ARHGAP36: variants seen among roughly 807,000 people sequenced by gnomAD.
ARHGAP36 encodes Rho GTPase activating protein 36.
ARHGAP36 carries 7 observed loss-of-function variants against 32.9 expected under a neutral mutation model. That is an observed-to-expected ratio of 0.21 (90% CI 0.12 to 0.40). ARHGAP36 has a LOEUF of 0.40. Ranked by LOEUF, ARHGAP36 falls within the 10% of genes least tolerant of loss-of-function variation. ARHGAP36 has a pLI of 1.00. For synonymous variants in ARHGAP36, 165 were observed against 168.3 expected, an observed-to-expected ratio of 0.98 and a Z score of 0.15; for missense variants, 383 against 442.2, an observed-to-expected ratio of 0.87 and a Z score of 1.20.
At chrX:131,060,706 C>T (rs1391315727) in intron 1 of ARHGAP36, among the ~76,000 whole-genome samples, 1 of 112,513 alleles carries the variant, frequency 8.9e-6, no homozygotes, top group Non-Finnish European at 1.9e-5. Flanking sequence ...ACCCCTGCAG[C>T]ACACCACTGC....
intron 1 of ARHGAP36, among the ~76,000 whole-genome samples, chrX:131,075,725 C>CA (rs757044914): frequency 1.1e-3 from 117 of 109,084 alleles, no homozygotes; most frequent in Middle Eastern, 4.6e-3. Flanking sequence ...AATAATACCT[C>CA]AAAAATCCAA....
At position 131,083,228 on chromosome X, in the gene ARHGAP36, G is replaced by C. The variant is rs775216832; in HGVS notation, c.317G>C (p.Arg106Thr). 5.8e-6 allele frequency: 7 copies of C among 1,206,722 alleles called. No individual in the cohort carries two copies. The highest frequency in any genetic ancestry group is 7.8e-6 in the Non-Finnish European group (7 of 892,705). The stretch of plus-strand genomic sequence containing the variant: ...TTTCTGATTTTGAGAGGACAGCAGA[G>C]GGGTGAGGGGGCTCTTGTATTTTCT... ...KWFLILRGQQ[R>T]AVSHKTFGIS... The change falls in exon 3 of 12, where the codon AGG becomes ACG. Residue 106 changes from arginine (R) to threonine (T), a missense_variant and splice_region_variant. By Grantham distance (71) the Arg-to-Thr change is moderately conservative. Transcript: ENST00000276211.
intron 1 of ARHGAP36, among the ~76,000 whole-genome samples, chrX:131,075,169 G>T (rs1569365926): frequency 8.9e-6 from 1 of 112,132 alleles, no homozygotes; most frequent in Non-Finnish European, 1.9e-5. Flanking sequence ...TTGCTTGTTT[G>T]CTTGCTTGGC....
Position 131,085,581 on chromosome X carries a change from C to T in ARHGAP36, c.956-7C>T. 1 of 1,209,289 alleles carries T rather than the reference C, an allele frequency of 8.3e-7. No homozygotes were observed. ...CCCTGAGACAGCCCCTGTTTTCCTT[C>T]TTCTAGCTTTAAAGCCCCAGGATCA... is the stretch of plus-strand genomic sequence containing the variant. On this transcript the variant is annotated splice_polypyrimidine_tract_variant and splice_region_variant and intron_variant, in intron 7 of 11. Transcript: ENST00000276211.
Position 131,084,250 on chromosome X carries a change from A to G in ARHGAP36, c.591A>G (p.Glu197=). 1 of 1,209,816 alleles carries G rather than the reference A, an allele frequency of 8.3e-7. No individual in the cohort carries two copies. Among genetic ancestry groups the G allele is most frequent in the Non-Finnish European group, 1.1e-6 (1 of 894,796 alleles). The part of the protein sequence containing the change: ...AVSVDSLAEL[E]DGALLLQTLQ... ...CTGTGGATAGTCTGGCTGAGCTGGA[A>G]GACGGAGCCCTGCTGCTGCAGACCC... Residue 197 remains glutamate, a synonymous_variant, in exon 5 of 12, where the codon GAA becomes GAG. Transcript: ENST00000276211.
At chrX:131,078,171 A>G (rs927124522) in intron 1 of ARHGAP36, among the ~76,000 whole-genome samples, 1 of 111,498 alleles carries the variant, frequency 9.0e-6, no homozygotes, top group Admixed American at 9.5e-5. Flanking sequence ...TTAAAAACCA[A>G]TGCTAAATAC....
intron 6 of ARHGAP36, 57 bp downstream of exon 6, chrX:131,084,738 G>A: frequency 2.5e-6 from 3 of 1,197,524 alleles, no homozygotes; most frequent in Non-Finnish European, 3.4e-6. Flanking sequence ...AGGAGGAGGT[G>A]GGGTTTCCCC....
At chrX:131,078,720 G>T (rs1254485537) in intron 1 of ARHGAP36, 1 of 974,922 alleles carries the variant, frequency 1.0e-6, no homozygotes, top group Non-Finnish European at 1.3e-6. Flanking sequence ...CTTCTGTATT[G>T]TATGCTACTG....
chrX:131,058,379 C>T lies in ARHGAP36; in HGVS notation c.-208C>T, dbSNP rs748655805. The T allele has an allele frequency of 1.9e-4, 210 of 1,125,395 alleles. 1 individual carries two copies. In the African/African-American group the frequency reaches 3.7e-3, roughly 20 times the overall value. The allele number at this position is 1,125,395 out of a possible 1,213,427, so 92.7% of individuals were successfully genotyped here. A position where few individuals can be genotyped will look rare whatever the true frequency, so the allele number is the denominator to read the frequency against. ...TAACTGCGAGCTGCCGGGCACTCAGCGCGGGTCATGGCGTGGATACTGGAC... is the reference window on the plus strand; with the variant it reads ...TAACTGCGAGCTGCCGGGCACTCAGTGCGGGTCATGGCGTGGATACTGGAC... On this transcript the variant is annotated 5_prime_UTR_variant, in exon 1 of 12. Coordinates refer to ENST00000276211, the MANE Select transcript of ARHGAP36 (RefSeq NM_144967.4).
chrX:131,083,710 A>G (rs375359470), intron 3 of ARHGAP36, 24 bp from the exon 4 acceptor site: 1 of 1,195,060 alleles, frequency 8.4e-7, no homozygotes. Context: ...GACGTTTCTC[A>G]TTCTTTCTCT....
At chrX:131,061,636 G>A (rs1403536901) in intron 1 of ARHGAP36, among the ~76,000 whole-genome samples, 1 of 111,574 alleles carries the variant, frequency 9.0e-6, no homozygotes, top group African/African-American at 3.3e-5. Context: ...GCTGCAGCAG[G>A]ATCAGTTTCC....
At chrX:131,075,419 C>G (rs2079756075) in intron 1 of ARHGAP36, among the ~76,000 whole-genome samples, 1 of 110,561 alleles carries the variant, frequency 9.0e-6, no homozygotes, top group Admixed American at 9.6e-5. Flanking sequence ...ACCATGCTGT[C>G]AGGTTGGGGG....
chrX:131,085,858 G>A (rs903289594), intron 8 of ARHGAP36, 55 bp from the exon 9 acceptor site: 9 of 1,187,196 alleles, frequency 7.6e-6, no homozygotes, highest in Non-Finnish European at 1.0e-5. Context: ...ATATTCATTT[G>A]TACAACTCCC....
At chrX:131,073,181 G>T (rs930819154) in intron 1 of ARHGAP36, among the ~76,000 whole-genome samples, 3 of 112,829 alleles carry the variant, frequency 2.7e-5, no homozygotes, top group African/African-American at 9.7e-5. Flanking sequence ...ACGTAAGAGC[G>T]CAAGAAAGAT....
At chrX:131,088,561 G>A (rs3859991) in intron 11 of ARHGAP36, 67 bp from the exon 12 acceptor site, 95,956 of 1,119,907 alleles carry the variant, frequency 0.086, 3,811 homozygotes, top group Admixed American at 0.29. Context: ...AGGTCTTAGT[G>A]CCTTGGGTGC....
At chrX:131,085,124 G>C in intron 7 of ARHGAP36, 60 bp downstream of exon 7, 1 of 1,127,252 alleles carries the variant, frequency 8.9e-7, no homozygotes, top group Non-Finnish European at 1.2e-6. Flanking sequence ...GGTCTAGGGG[G>C]TTCTAGGGAC....
chrX:131,058,515 T>A, intron 1 of ARHGAP36, 71 bp downstream of exon 1: 10 of 907,856 alleles, frequency 1.1e-5, no homozygotes, highest in Non-Finnish European at 1.4e-5. Flanking sequence ...CAGCCCCCTC[T>A]GGGCGCCCTG....
At chrX:131,078,939 C>T (rs2079779754) in intron 1 of ARHGAP36, among the ~76,000 whole-genome samples, 1 of 111,259 alleles carries the variant, frequency 9.0e-6, no homozygotes, top group African/African-American at 3.3e-5. Flanking sequence ...CCTTTTGGGG[C>T]TGTTGTTGAT....
At chrX:131,083,706 T>G (rs1265993683) in intron 3 of ARHGAP36, 28 bp from the exon 4 acceptor site, 1 of 1,184,687 alleles carries the variant, frequency 8.4e-7, no homozygotes, top group Non-Finnish European at 1.1e-6. Context: ...CTTTGACGTT[T>G]CTCATTCTTT....
Sources: gnomAD v4.1 joint callset for allele counts (sites outside exome capture counted in the v4.1 genomes callset) on GRCh38, gnomAD v4.1.1 for gene constraint, MANE v1.5 for transcripts, NCBI Gene and HGNC (gene_info 2026-07-23, HGNC 2026-07-21) for gene names.